The following DYSF variants were observed in gnomAD, a reference collection of about 807,000 sequenced individuals.
DYSF encodes dystrophy-associated fer-1-like 1.
In DYSF, 212 loss-of-function variants were observed where a neutral mutation model predicts 274.9. The ratio of observed to expected loss-of-function variants is 0.77; its 90% CI spans 0.69 to 0.86. DYSF has a LOEUF of 0.86. Ranked by LOEUF, DYSF falls within the 40% of genes least tolerant of loss-of-function variation. DYSF has a pLI of 0.00. For synonymous variants in DYSF, 1,091 were observed against 1,078.7 expected (o/e 1.01, Z -0.22); for missense variants, 2,666 against 2,783.2 (o/e 0.96, Z 0.95).
At chr2:71,499,155 A>G (rs2084719539) in intron 3 of DYSF, among the ~76,000 whole-genome samples, 2 of 152,264 alleles carry the variant, frequency 1.3e-5, no homozygotes, top group East Asian at 3.9e-4. Flanking sequence ...TTTCTTATGG[A>G]TCATTCCAGA....
rs2088823741 is a variant in DYSF at position 71,532,307 on chromosome 2, G to T, written c.1381-2714G>T. ...CTGTAGGGAAGTTTCTAGAATTGGGGCTGTTAAGCCAGGGGGCTTATTTTT... is the reference window on the plus strand; with the variant it reads ...CTGTAGGGAAGTTTCTAGAATTGGGTCTGTTAAGCCAGGGGGCTTATTTTT... On this transcript the variant is annotated intron_variant, in intron 14 of 55. Coordinates refer to ENST00000410020, the MANE Select transcript of DYSF (RefSeq NM_001130987.2). Among the ~76,000 whole-genome samples the T allele has an allele frequency of 2.6e-5, 4 of 152,340 alleles. No homozygotes were observed. The South Asian group carries it at 8.3e-4, about 32-fold the overall frequency.
chr2:71,483,138 T>C (rs1345606722), intron 3 of DYSF, among the ~76,000 whole-genome samples: 1 of 151,894 alleles, frequency 6.6e-6, no homozygotes, highest in Non-Finnish European at 1.5e-5. Context: ...GTGCATGGTG[T>C]GGGGAGGGTG....
intron 33 of DYSF, among the ~76,000 whole-genome samples, chr2:71,599,981 G>C (rs916634425): frequency 6.6e-5 from 10 of 152,128 alleles, no homozygotes; most frequent in African/African-American, 1.2e-4. Flanking sequence ...GTTTGGAGAA[G>C]GGCACAGGCC....
chr2:71,662,988 A>C (rs904713584), intron 45 of DYSF, among the ~76,000 whole-genome samples: 2 of 151,528 alleles, frequency 1.3e-5, no homozygotes, highest in African/African-American at 2.4e-5. Flanking sequence ...ATGTGTCTGC[A>C]TATGTGTGTG....
chr2:71,555,541 C>T (rs77009704), intron 21 of DYSF, among the ~76,000 whole-genome samples: 2,015 of 152,186 alleles, frequency 0.013, 46 homozygotes, highest in Non-Finnish European at 0.014. Context: ...TGGAGGAGGG[C>T]GCTCTTAGTC....
intron 44 of DYSF, 89 bp from the exon 45 acceptor site, chr2:71,660,471 C>G: frequency 8.7e-7 from 1 of 1,145,690 alleles, no homozygotes; most frequent in Non-Finnish European, 1.3e-6. Context: ...TGGCTGCTCC[C>G]TCATCCCATC....
chr2:71,605,229 C>T (rs1021184196), intron 36 of DYSF, among the ~76,000 whole-genome samples: 7 of 152,228 alleles, frequency 4.6e-5, no homozygotes, highest in African/African-American at 1.4e-4. Flanking sequence ...TCCTTCTCCC[C>T]GCCTCTTCTG....
At chr2:71,626,247 C>T (rs753640527) in intron 41 of DYSF, among the ~76,000 whole-genome samples, 3 of 151,644 alleles carry the variant, frequency 2.0e-5, no homozygotes, top group Non-Finnish European at 1.5e-5. Flanking sequence ...TTATGTTTTA[C>T]CACTGATCAT....
At chr2:71,673,774 G>A (rs1460911952) in intron 51 of DYSF, among the ~76,000 whole-genome samples, 3 of 152,182 alleles carry the variant, frequency 2.0e-5, no homozygotes, top group African/African-American at 4.8e-5. Context: ...TGTAAAGATA[G>A]TATCTCCTTT....
At chr2:71,673,944 T>G (rs1359854127) in intron 51 of DYSF, among the ~76,000 whole-genome samples, 2 of 152,176 alleles carry the variant, frequency 1.3e-5, no homozygotes, top group African/African-American at 4.8e-5. Flanking sequence ...GTGATAACCT[T>G]GACTTACAGA....
intron 11 of DYSF, 143 bp from the exon 12 acceptor site, chr2:71,520,646 G>A (rs1295616509): frequency 5.4e-6 from 4 of 736,818 alleles, no homozygotes; most frequent in Non-Finnish European, 7.3e-6. Flanking sequence ...AGTACCTTTT[G>A]ATTCTAGAAT....
intron 36 of DYSF, among the ~76,000 whole-genome samples, chr2:71,609,684 G>A (rs1006790568): frequency 6.6e-6 from 1 of 152,224 alleles, no homozygotes; most frequent in African/African-American, 2.4e-5. Flanking sequence ...TAGAGTTGAG[G>A]TCTGATTCTA....
At chr2:71,667,759 C>G (rs946627478) in intron 48 of DYSF, among the ~76,000 whole-genome samples, 1 of 152,198 alleles carries the variant, frequency 6.6e-6, no homozygotes, top group African/African-American at 2.4e-5. Flanking sequence ...TCTCCCCTCA[C>G]CCCTGTAGGC....
At position 71,556,080 on chromosome 2, in the gene DYSF, G is replaced by A. The variant is rs1040115070; in HGVS notation, c.2216+9G>A. 6.4e-7 allele frequency: 1 copy of A among 1,557,376 alleles called. No homozygotes were observed. On this transcript the variant is annotated intron_variant, in intron 22 of 55. Coordinates refer to ENST00000410020, the MANE Select transcript of DYSF (RefSeq NM_001130987.2). ...CTCATCGCAGGCTGCAGGTAGGGGG[G>A]ACCTGGCGCCCCTGGTGCCCACCTC...
At chr2:71,549,096 G>A (rs2090725770) in intron 17 of DYSF, among the ~76,000 whole-genome samples, 1 of 152,252 alleles carries the variant, frequency 6.6e-6, no homozygotes, top group Non-Finnish European at 1.5e-5. Flanking sequence ...CACACAGAGT[G>A]ATGGGCAGGC....
At chr2:71,545,040 G>T (rs137988258) in intron 17 of DYSF, among the ~76,000 whole-genome samples, 1,903 of 152,296 alleles carry the variant, frequency 0.012, 36 homozygotes, top group Middle Eastern at 0.051. Flanking sequence ...CATGGTGAAA[G>T]AGAATAACAG....
At chr2:71,569,191 G>A (rs1439839518) in intron 26 of DYSF, among the ~76,000 whole-genome samples, 1 of 152,208 alleles carries the variant, frequency 6.6e-6, no homozygotes, top group African/African-American at 2.4e-5. Context: ...TTATTCTTAA[G>A]CCTTCGTTCT....
At chr2:71,637,620 C>A (rs1401543408) in intron 41 of DYSF, among the ~76,000 whole-genome samples, 3 of 152,126 alleles carry the variant, frequency 2.0e-5, no homozygotes, top group Non-Finnish European at 4.4e-5. Flanking sequence ...GACCCAGCAG[C>A]TGGTTTCATG....
chr2:71,577,280 C>T (rs1196781359), intron 30 of DYSF: 1 of 153,162 alleles, frequency 6.5e-6, no homozygotes, highest in East Asian at 2.0e-4. Context: ...TCTTTCCACT[C>T]ATACACAACA....
Sources: gnomAD v4.1 joint callset for allele counts (sites outside exome capture counted in the v4.1 genomes callset) on GRCh38, gnomAD v4.1.1 for gene constraint, MANE v1.5 for transcripts, NCBI Gene and HGNC (gene_info 2026-07-23, HGNC 2026-07-21) for gene names.